SCMH1: variants seen among roughly 807,000 people sequenced by gnomAD.
SCMH1 encodes polycomb protein SCMH1.
SCMH1 carries 37 observed loss-of-function variants against 70.8 expected under a neutral mutation model. That is an observed-to-expected ratio of 0.52 (90% CI 0.40 to 0.69). The LOEUF (loss-of-function observed/expected upper bound fraction) is 0.69. Ranked by LOEUF, SCMH1 falls within the 30% of genes least tolerant of loss-of-function variation. The pLI is 0.00. For synonymous variants in SCMH1, 292 were observed against 307.4 expected, an observed-to-expected ratio of 0.95 and a Z score of 0.52; for missense variants, 607 against 827.3, an observed-to-expected ratio of 0.73 and a Z score of 3.27.
chr1:41,054,807 T>C (rs1649631101), intron 10 of SCMH1, among the ~76,000 whole-genome samples: 1 of 152,148 alleles, frequency 6.6e-6, no homozygotes, highest in Admixed American at 6.6e-5. Context: ...ACAGACAGGG[T>C]CTTGCTCTGT....
intron 2 of SCMH1, 130 bp from the exon 3 acceptor site, chr1:41,161,562 A>C: frequency 9.8e-7 from 1 of 1,016,170 alleles, no homozygotes; most frequent in Non-Finnish European, 1.3e-6. Flanking sequence ...AAGGAAAAAT[A>C]CTCCAAAATA....
intron 8 of SCMH1, among the ~76,000 whole-genome samples, chr1:41,081,810 ACT>A (rs1171592576): frequency 4.9e-5 from 4 of 81,134 alleles, no homozygotes; most frequent in African/African-American, 1.1e-4. Flanking sequence ...ACAGAATAAG[ACT>A]CTGTCTTAAA....
chr1:41,222,307 A>G (rs1659452487), intron 1 of SCMH1, among the ~76,000 whole-genome samples: 1 of 152,228 alleles, frequency 6.6e-6, no homozygotes, highest in Admixed American at 6.5e-5. Context: ...TTGCCATAAA[A>G]ATAGACAATA....
chr1:41,139,947 G>C (rs898660384), intron 6 of SCMH1, among the ~76,000 whole-genome samples: 4 of 152,014 alleles, frequency 2.6e-5, no homozygotes, highest in Non-Finnish European at 5.9e-5. Context: ...ATAAAATGAA[G>C]CAAATGAACC....
At chr1:41,047,575 T>TG (rs1647022088) in intron 11 of SCMH1, among the ~76,000 whole-genome samples, 1 of 151,900 alleles carries the variant, frequency 6.6e-6, no homozygotes. Flanking sequence ...GTTTTGTATT[T>TG]TTTTTTAGTA....
intron 8 of SCMH1, among the ~76,000 whole-genome samples, chr1:41,105,633 T>C (rs1416632255): frequency 1.1e-4 from 16 of 152,188 alleles, no homozygotes; most frequent in Admixed American, 1.0e-3. Flanking sequence ...ATAGTCACAA[T>C]AGGTGATACA....
intron 10 of SCMH1, among the ~76,000 whole-genome samples, chr1:41,053,509 C>T (rs1441717420): frequency 6.6e-6 from 1 of 152,190 alleles, no homozygotes; most frequent in Non-Finnish European, 1.5e-5. Flanking sequence ...CCAGAACGAG[C>T]TGGTTGGCCA....
At chr1:41,085,552 G>C (rs199866627) in intron 8 of SCMH1, among the ~76,000 whole-genome samples, 3 of 152,220 alleles carry the variant, frequency 2.0e-5, no homozygotes, top group Admixed American at 2.0e-4. Flanking sequence ...AGAAGCCTAA[G>C]AATTGGAAAA....
At chr1:41,051,629 G>A (rs536474720) in intron 10 of SCMH1, among the ~76,000 whole-genome samples, 1 of 151,704 alleles carries the variant, frequency 6.6e-6, no homozygotes, top group East Asian at 1.9e-4. Context: ...TAATAAAAAA[G>A]TTTAAAAAGT....
chr1:41,223,051 C>T (rs922240310), intron 1 of SCMH1, among the ~76,000 whole-genome samples: 4 of 151,878 alleles, frequency 2.6e-5, no homozygotes, highest in Non-Finnish European at 5.9e-5. Context: ...TTCTTTATCC[C>T]CTAATCTGAA....
intron 9 of SCMH1, among the ~76,000 whole-genome samples, chr1:41,074,580 T>C (rs1232042952): frequency 6.6e-6 from 1 of 152,168 alleles, no homozygotes; most frequent in Non-Finnish European, 1.5e-5. Context: ...AGAGTTAATT[T>C]GTGCTTTCTG....
chr1:41,055,444 G>T (rs941413315), intron 10 of SCMH1, among the ~76,000 whole-genome samples: 2 of 152,116 alleles, frequency 1.3e-5, no homozygotes, highest in Admixed American at 1.3e-4. Flanking sequence ...CTGCCTCCTG[G>T]GTTCACGCCA....
At chr1:41,094,260 T>C (rs1395062348) in intron 8 of SCMH1, among the ~76,000 whole-genome samples, 1 of 152,180 alleles carries the variant, frequency 6.6e-6, no homozygotes, top group Non-Finnish European at 1.5e-5. Flanking sequence ...TTGGTCCCCC[T>C]GCAACATGTG....
At chr1:41,193,527 G>A (rs72665624) in intron 1 of SCMH1, among the ~76,000 whole-genome samples, 1 of 152,058 alleles carries the variant, frequency 6.6e-6, no homozygotes, top group Non-Finnish European at 1.5e-5. Context: ...CAGGGGTTGG[G>A]GGGGGGTTGA....
chr1:41,237,559 T>C (rs985562438), intron 1 of SCMH1, among the ~76,000 whole-genome samples: 17 of 152,312 alleles, frequency 1.1e-4, no homozygotes, highest in African/African-American at 4.1e-4. Flanking sequence ...CAGTTTCGGA[T>C]CTTTAATACC....
At chr1:41,104,288 C>A (rs1386821287) in intron 8 of SCMH1, among the ~76,000 whole-genome samples, 1 of 152,118 alleles carries the variant, frequency 6.6e-6, no homozygotes, top group Admixed American at 6.5e-5. Context: ...ACGGATTTAC[C>A]AGATGTGATG....
At chr1:41,133,797 T>C (rs1433285094) in intron 6 of SCMH1, among the ~76,000 whole-genome samples, 1 of 152,092 alleles carries the variant, frequency 6.6e-6, no homozygotes, top group Non-Finnish European at 1.5e-5. Context: ...ATTAATAGCC[T>C]ACCAACCAAA....
chr1:41,221,889 G>A (rs1428987501), intron 1 of SCMH1, among the ~76,000 whole-genome samples: 4 of 66,804 alleles, frequency 6.0e-5, no homozygotes, highest in Admixed American at 2.8e-4. Context: ...GCAAGACTCC[G>A]TCTCAAAAAA....
Position 41,192,729 on chromosome 1 carries a change from A to G in SCMH1, c.-117-6479T>C, listed in dbSNP as rs371825266. Among the ~76,000 whole-genome samples, 8 of 152,282 alleles carry G rather than the reference A, an allele frequency of 5.3e-5. No homozygotes were observed. In the East Asian group the frequency reaches 1.2e-3, roughly 22 times the overall value. ...AACATTCTTGACATTTAATCTCTTC[A>G]GCATAGGTCTCTCTGACAAACTGAA... On this transcript the variant is annotated intron_variant, in intron 1 of 14. Transcript: ENST00000337495.
Sources: gnomAD v4.1 joint callset for allele counts (sites outside exome capture counted in the v4.1 genomes callset) on GRCh38, gnomAD v4.1.1 for gene constraint, MANE v1.5 for transcripts, NCBI Gene and HGNC (gene_info 2026-07-23, HGNC 2026-07-21) for gene names.